Variants in FBN2 observed in about 807,000 individuals in gnomAD.
The protein encoded by FBN2 is fibrillin-2.
FBN2 carries 105 observed loss-of-function variants against 355.6 expected under a neutral mutation model. That is an observed-to-expected ratio of 0.30 (90% CI 0.25 to 0.35). FBN2 has a LOEUF of 0.35. Ranked by LOEUF, FBN2 falls within the 10% of genes least tolerant of loss-of-function variation. The probability of loss-of-function intolerance (pLI) is 1.00; values close to 1 mark genes in which losing one functional copy is unlikely to be tolerated. For missense variants in FBN2, 3,280 were observed against 3,758.7 expected, an observed-to-expected ratio of 0.87 and a Z score of 3.33; for synonymous variants, 1,350 against 1,301.2, an observed-to-expected ratio of 1.04 and a Z score of -0.81.
intron 5 of FBN2, among the ~76,000 whole-genome samples, chr5:128,475,007 T>G (rs1456455142): frequency 1.3e-5 from 2 of 152,184 alleles, no homozygotes; most frequent in African/African-American, 4.8e-5. Context: ...TCCCAGTTAT[T>G]TGCTGCATGA....
chr5:128,333,143 G>T, intron 31 of FBN2, 109 bp from the exon 32 acceptor site: 1 of 958,130 alleles, frequency 1.0e-6, no homozygotes, highest in Non-Finnish European at 1.6e-6. Flanking sequence ...GCAACCGTAT[G>T]GAGAAAAGAG....
At position 128,277,874 on chromosome 5, in the gene FBN2, C is replaced by T. The variant is rs200998513; in HGVS notation, c.7471+6G>A. ...AACCCCTGGATATAGAGGTGCCCAT[C>T]GTTACCTATACAAGAGGTTCCACTG... On this transcript the variant is annotated splice_donor_region_variant and intron_variant, in intron 58 of 64. Transcript: ENST00000262464. 3.4e-4 allele frequency: 548 copies of T among 1,614,060 alleles called. 3 individuals carry two copies. The African/African-American group carries it at 6.2e-3, about 18-fold the overall frequency.
rs1352658468 is a variant in FBN2, at chr5:128,310,104, A to G, written c.5079T>C (p.Ile1693=). The change falls in exon 40 of 65, where the codon ATT becomes ATC. Residue 1693 remains isoleucine (I), a synonymous_variant. Coordinates refer to ENST00000262464, the MANE Select transcript of FBN2 (RefSeq NM_001999.4). ...CACCAGGATGTGCAAAACACTCATC[A>G]ATATCTAGAGTAGGCAAGAATATCT... ...LSEDTRICED[I]DECFAHPGVC... The G allele has an allele frequency of 6.2e-7, 1 of 1,611,604 alleles. No homozygotes were observed. The highest frequency in any genetic ancestry group is 2.2e-5 in the East Asian group (1 of 44,868).
intron 9 of FBN2, among the ~76,000 whole-genome samples, chr5:128,393,829 A>AT (rs1050335147): frequency 3.9e-5 from 6 of 152,114 alleles, no homozygotes; most frequent in Non-Finnish European, 8.8e-5. Flanking sequence ...CCAGAATGAT[A>AT]TTTTTTTCTA....
chr5:128,396,379 C>T (rs937353004), intron 8 of FBN2, among the ~76,000 whole-genome samples: 12 of 152,036 alleles, frequency 7.9e-5, no homozygotes, highest in African/African-American at 2.2e-4. Context: ...CATTCTAAGC[C>T]AGAGCCAGAT....
chr5:128,325,360 A>G (rs905006396), intron 34 of FBN2, among the ~76,000 whole-genome samples: 3 of 152,164 alleles, frequency 2.0e-5, no homozygotes, highest in African/African-American at 7.2e-5. Flanking sequence ...CCATTATGTA[A>G]TGCCCTTCTT....
At chr5:128,469,880 A>G (rs1754809797) in intron 5 of FBN2, among the ~76,000 whole-genome samples, 1 of 152,190 alleles carries the variant, frequency 6.6e-6, no homozygotes, top group Admixed American at 6.5e-5. Flanking sequence ...ATTTTTCAAC[A>G]TGTTACACTG....
chr5:128,275,922 G>C, intron 59 of FBN2, 116 bp downstream of exon 59: 1 of 1,171,328 alleles, frequency 8.5e-7, no homozygotes, highest in Non-Finnish European at 1.3e-6. Context: ...ATGGCCACTA[G>C]GATGGGACCT....
chr5:128,262,530 C>T (rs1765001620), intron 63 of FBN2, among the ~76,000 whole-genome samples: 1 of 152,192 alleles, frequency 6.6e-6, no homozygotes, highest in Non-Finnish European at 1.5e-5. Context: ...AATGCTAAGA[C>T]AGGTTCCATT....
At chr5:128,416,176 C>T (rs1368110309) in intron 7 of FBN2, among the ~76,000 whole-genome samples, 1 of 152,098 alleles carries the variant, frequency 6.6e-6, no homozygotes, top group African/African-American at 2.4e-5. Context: ...CAGGCATGTA[C>T]CATCACACCC....
intron 7 of FBN2, among the ~76,000 whole-genome samples, chr5:128,434,157 C>T (rs539647544): frequency 2.0e-5 from 3 of 151,424 alleles, no homozygotes; most frequent in African/African-American, 7.3e-5. Context: ...TACTAAAATC[C>T]AGTAAAGGCA....
chr5:128,443,524 T>G (rs763117122), intron 7 of FBN2, among the ~76,000 whole-genome samples: 4 of 152,154 alleles, frequency 2.6e-5, no homozygotes, highest in Non-Finnish European at 4.4e-5. Flanking sequence ...AGTGAGATAG[T>G]TAACAAAAAA....
intron 62 of FBN2, among the ~76,000 whole-genome samples, chr5:128,264,826 A>G (rs1258963887): frequency 6.6e-6 from 1 of 152,216 alleles, no homozygotes; most frequent in Non-Finnish European, 1.5e-5. Flanking sequence ...AGGGATCTGC[A>G]GCAGCTCAGT....
At chr5:128,407,559 T>C (rs1194011141) in intron 8 of FBN2, among the ~76,000 whole-genome samples, 1 of 152,236 alleles carries the variant, frequency 6.6e-6, no homozygotes, top group Non-Finnish European at 1.5e-5. Context: ...TTATTTTTAC[T>C]ACTACTACTG....
At chr5:128,288,703 G>T in intron 52 of FBN2, 146 bp from the exon 53 acceptor site, 1 of 895,014 alleles carries the variant, frequency 1.1e-6, no homozygotes, top group Non-Finnish European at 1.8e-6. Flanking sequence ...TTGGCTGGCT[G>T]GCAGCTATGT....
At chr5:128,378,005 G>C in intron 12 of FBN2, 128 bp from the exon 13 acceptor site, 1 of 689,748 alleles carries the variant, frequency 1.4e-6, no homozygotes. Flanking sequence ...CTGTCTCTCA[G>C]CAGTTTTTTT....
intron 33 of FBN2, among the ~76,000 whole-genome samples, chr5:128,330,304 T>C (rs991916112): frequency 1.3e-5 from 2 of 152,218 alleles, no homozygotes; most frequent in Non-Finnish European, 2.9e-5. Flanking sequence ...AACCACTGTG[T>C]TACAAATGAG....
intron 44 of FBN2, 93 bp downstream of exon 44, chr5:128,305,418 A>G (rs574932516): frequency 6.9e-7 from 1 of 1,453,278 alleles, no homozygotes; most frequent in South Asian, 1.2e-5. Flanking sequence ...TAAGTGAGAA[A>G]ATCTTTCCCA....
In FBN2 at chr5:128,273,960, CGTT is replaced by C; in HGVS notation, c.7717_7719del (p.Asn2573del). On this transcript the variant is annotated inframe_deletion, in exon 61 of 65. Transcript: ENST00000262464. ...CAAAGCGAAGGTTGAGACCCACATT[CGTT>C]GTTGTCTGGCAAAGCATCAAGAAGC... The C allele has an allele frequency of 6.2e-7, 1 of 1,613,882 alleles. No homozygotes were observed. The highest frequency in any genetic ancestry group is 8.5e-7 in the Non-Finnish European group (1 of 1,179,878).
Sources: allele counts gnomAD v4.1 joint callset (sites outside exome capture counted in the v4.1 genomes callset), GRCh38; gene constraint gnomAD v4.1.1; transcripts MANE v1.5; gene names NCBI Gene and HGNC (gene_info 2026-07-23, HGNC 2026-07-21).